GRID2: variants seen among roughly 807,000 people sequenced by gnomAD.
The protein encoded by GRID2 is glutamate ionotropic receptor delta type subunit 2.
Under a neutral mutation model 114.8 loss-of-function variants are expected in GRID2, and 33 were observed. The ratio of observed to expected loss-of-function variants is 0.29; its 90% CI spans 0.22 to 0.38. The LOEUF is 0.38. Among genes scored for constraint, GRID2 ranks in the 10% least tolerant of loss-of-function variants. The probability of loss-of-function intolerance (pLI) is 1.00; values close to 1 mark genes in which losing one functional copy is unlikely to be tolerated. For synonymous variants in GRID2, 505 were observed against 449.9 expected (o/e 1.12, Z -1.55); for missense variants, 1,184 against 1,257.7 (o/e 0.94, Z 0.89).
At chr4:93,553,540 A>G (rs1733995044) in intron 13 of GRID2, among the ~76,000 whole-genome samples, 1 of 152,182 alleles carries the variant, frequency 6.6e-6, no homozygotes. Context: ...AAATCCTAAT[A>G]AAAAGAGTGG....
At chr4:92,774,638 AGTGCAGTG>A (rs1172885901) in intron 2 of GRID2, among the ~76,000 whole-genome samples, 4 of 132,226 alleles carry the variant, frequency 3.0e-5, no homozygotes, top group African/African-American at 8.9e-5. Flanking sequence ...GCTGAAGTGC[AGTGCAGTG>A]GTGCAGTGGT....
intron 2 of GRID2, among the ~76,000 whole-genome samples, chr4:92,761,357 C>A (rs553526694): frequency 6.6e-6 from 1 of 152,126 alleles, no homozygotes. Context: ...GCTATTTGTA[C>A]TCTTTCACTG....
At chr4:93,065,334 A>C (rs527364583) in intron 2 of GRID2, among the ~76,000 whole-genome samples, 1 of 151,912 alleles carries the variant, frequency 6.6e-6, no homozygotes, top group Non-Finnish European at 1.5e-5. Flanking sequence ...GTGTCTTAGC[A>C]AGATGTTTCA....
chr4:93,110,742 T>C lies in GRID2; in HGVS notation c.530-6T>C. ...AGGTATTTTGATGGGCTTTTGATGT[T>C]TCCAGATATCCGTGGAATACAGGAG... On this transcript the variant is annotated splice_polypyrimidine_tract_variant and splice_region_variant and intron_variant, in intron 3 of 15. Coordinates refer to ENST00000282020, the MANE Select transcript of GRID2 (RefSeq NM_001510.4). The C allele has an allele frequency of 6.3e-7, 1 of 1,593,308 alleles. No individual in the cohort carries two copies. The highest frequency in any genetic ancestry group is 8.6e-7 in the Non-Finnish European group (1 of 1,160,918).
intron 13 of GRID2, among the ~76,000 whole-genome samples, chr4:93,588,663 A>G (rs1737791000): frequency 6.6e-6 from 1 of 152,206 alleles, no homozygotes; most frequent in Non-Finnish European, 1.5e-5. Flanking sequence ...TAAAGGCTGC[A>G]GAGTCACACT....
chr4:93,262,898 T>C (rs1419133899), intron 8 of GRID2, among the ~76,000 whole-genome samples: 1 of 151,952 alleles, frequency 6.6e-6, no homozygotes, highest in African/African-American at 2.4e-5. Flanking sequence ...CTGTTTACTA[T>C]TAAATTTTTT....
At position 93,326,040 on chromosome 4, in the gene GRID2, A is replaced by C. The variant is rs75818753; in HGVS notation, c.1246-69567A>C. Among the ~76,000 whole-genome samples, 440 of 152,296 alleles carry C rather than the reference A, an allele frequency of 2.9e-3. 2 individuals carry two copies. Among genetic ancestry groups the C allele is most frequent in the African/African-American group, 0.01 (423 of 41,570 alleles). On this transcript the variant is annotated intron_variant, in intron 8 of 15. Coordinates refer to ENST00000282020, the MANE Select transcript of GRID2 (RefSeq NM_001510.4). ...GTTTTTGGATGCACAGATGTTGCGAAGTCCAGCTGCCAACCATAAGGTATG... is the reference window on the plus strand; with the variant it reads ...GTTTTTGGATGCACAGATGTTGCGACGTCCAGCTGCCAACCATAAGGTATG...
At chr4:93,751,326 A>AAT (rs2110283621) in intron 14 of GRID2, among the ~76,000 whole-genome samples, 1 of 152,266 alleles carries the variant, frequency 6.6e-6, no homozygotes, top group East Asian at 1.9e-4. Context: ...CTGGCATCTG[A>AAT]ATATATGAAT....
At chr4:93,605,231 A>G (rs939593884) in intron 13 of GRID2, among the ~76,000 whole-genome samples, 1 of 152,224 alleles carries the variant, frequency 6.6e-6, no homozygotes, top group Non-Finnish European at 1.5e-5. Flanking sequence ...GTTAAAATTA[A>G]ATAAAATTTA....
intron 1 of GRID2, among the ~76,000 whole-genome samples, chr4:92,553,441 A>G (rs974127196): frequency 1.3e-5 from 2 of 152,154 alleles, no homozygotes; most frequent in Admixed American, 6.6e-5. Context: ...TTTCTTTAGG[A>G]GAATGTCATT....
intron 4 of GRID2, among the ~76,000 whole-genome samples, chr4:93,145,535 C>T (rs1361072644): frequency 6.7e-6 from 1 of 148,598 alleles, no homozygotes; most frequent in African/African-American, 2.5e-5. Flanking sequence ...GATCTGAGCT[C>T]ACTGCAACCT....
intron 1 of GRID2, among the ~76,000 whole-genome samples, chr4:92,417,500 A>C (rs1055127555): frequency 6.6e-6 from 1 of 152,110 alleles, no homozygotes; most frequent in Non-Finnish European, 1.5e-5. Context: ...CCCCTGAGGA[A>C]CTAACGCTCC....
intron 3 of GRID2, among the ~76,000 whole-genome samples, chr4:93,095,270 C>G (rs1466324945): frequency 1.3e-5 from 2 of 151,948 alleles, no homozygotes; most frequent in Non-Finnish European, 2.9e-5. Flanking sequence ...TGCTATCCCT[C>G]CCCTAGCCCT....
chr4:93,630,563 G>T (rs1203849750), intron 14 of GRID2, among the ~76,000 whole-genome samples: 1 of 152,106 alleles, frequency 6.6e-6, no homozygotes, highest in Non-Finnish European at 1.5e-5. Context: ...GTCACATTTT[G>T]CTTATTGGCT....
chr4:92,363,894 A>C (rs1579242518), intron 1 of GRID2, among the ~76,000 whole-genome samples: 1 of 138,678 alleles, frequency 7.2e-6, no homozygotes, highest in Non-Finnish European at 1.5e-5. Context: ...ATCTCATCTC[A>C]CTGCAGCCTC....
chr4:92,560,386 C>A (rs1428384487), intron 1 of GRID2, among the ~76,000 whole-genome samples: 1 of 152,174 alleles, frequency 6.6e-6, no homozygotes, highest in Non-Finnish European at 1.5e-5. Flanking sequence ...GTTCCTCTCT[C>A]TTTTGAAGCC....
At chr4:93,777,169 G>T (rs190496604), downstream of GRID2, among the ~76,000 whole-genome samples, 1 of 152,228 alleles carries the variant, frequency 6.6e-6, no homozygotes, top group African/African-American at 2.4e-5. Context: ...TCATGGTTTT[G>T]CTTCATTTTA....
At chr4:92,501,764 T>C (rs1212161369) in intron 1 of GRID2, among the ~76,000 whole-genome samples, 1 of 152,182 alleles carries the variant, frequency 6.6e-6, no homozygotes, top group African/African-American at 2.4e-5. Context: ...GGATCTATAC[T>C]GTCAGTAGTG....
intron 11 of GRID2, among the ~76,000 whole-genome samples, chr4:93,460,683 G>A (rs1723653936): frequency 6.6e-6 from 1 of 151,996 alleles, no homozygotes; most frequent in Non-Finnish European, 1.5e-5. Context: ...GTACATGTTA[G>A]GCATTTAATA....
Sources: gnomAD v4.1 joint callset for allele counts (sites outside exome capture counted in the v4.1 genomes callset) on GRCh38, gnomAD v4.1.1 for gene constraint, MANE v1.5 for transcripts, NCBI Gene and HGNC (gene_info 2026-07-23, HGNC 2026-07-21) for gene names.